Variants in BEND7 observed in about 807,000 individuals in gnomAD.
BEND7 encodes BEN domain-containing protein 7.
BEND7 carries 28 observed loss-of-function variants against 50.9 expected under a neutral mutation model. The observed-to-expected ratio is 0.55, with a 90% CI of 0.41 to 0.75. The LOEUF (loss-of-function observed/expected upper bound fraction) is 0.75, where lower values mean the gene tolerates loss of function less well. BEND7 is among the 30% of genes least tolerant of loss of function. The probability of loss-of-function intolerance (pLI) is 0.00; values close to 1 mark genes in which losing one functional copy is unlikely to be tolerated. For synonymous variants in BEND7, 170 were observed against 183.9 expected, an observed-to-expected ratio of 0.92 and a Z score of 0.61; for missense variants, 477 against 491.3, an observed-to-expected ratio of 0.97 and a Z score of 0.28.
chr10:13,513,402 T>G (rs1380939119), intron 2 of BEND7, among the ~76,000 whole-genome samples: 2 of 152,210 alleles, frequency 1.3e-5, no homozygotes, highest in African/African-American at 4.8e-5. Flanking sequence ...GCTTACCAGA[T>G]AGCCTCACTT....
At chr10:13,467,769 G>A (rs1300721083) in intron 6 of BEND7, among the ~76,000 whole-genome samples, 1 of 151,958 alleles carries the variant, frequency 6.6e-6, no homozygotes, top group African/African-American at 2.4e-5. Context: ...TGGGAGTGCT[G>A]TTTTGATTTT....
intron 6 of BEND7, among the ~76,000 whole-genome samples, chr10:13,479,005 AC>A (rs2075663309): frequency 8.0e-6 from 1 of 124,922 alleles, no homozygotes. Context: ...TTTGTAATAT[AC>A]TTTTTTTTTT....
At chr10:13,505,197 C>T (rs1345658146) in intron 2 of BEND7, among the ~76,000 whole-genome samples, 2 of 152,336 alleles carry the variant, frequency 1.3e-5, no homozygotes, top group East Asian at 3.9e-4. Context: ...GCTGCACTCC[C>T]GGTTCCTCAG....
Position 13,441,337 on chromosome 10 carries a change from A to G in BEND7, c.*406T>C, listed in dbSNP as rs745593473. On this transcript the variant is annotated 3_prime_UTR_variant, in exon 9 of 9. Transcript: ENST00000466271. Reference sequence around the variant, plus strand: ...AGAAAGCCTATAAAAAGGTTTCTGAATAAAGACTGAACAGTAGTCACAGTA... The same window carrying G: ...AGAAAGCCTATAAAAAGGTTTCTGAGTAAAGACTGAACAGTAGTCACAGTA... 1.5e-4 allele frequency: 155 copies of G among 1,013,120 alleles called. No individual in the cohort carries two copies. Among genetic ancestry groups the G allele is most frequent in the Non-Finnish European group, 1.8e-4 (152 of 848,916 alleles). The allele number at this position is 1,013,120 out of a possible 1,614,324, so 62.8% of individuals were successfully genotyped here.
chr10:13,500,329 AGT>A (rs1240231747), intron 2 of BEND7, among the ~76,000 whole-genome samples: 4 of 152,270 alleles, frequency 2.6e-5, no homozygotes, highest in African/African-American at 9.6e-5. Context: ...GTTTCTTGAG[AGT>A]GTGTCATCAG....
At chr10:13,513,756 T>C (rs2078450789) in intron 2 of BEND7, among the ~76,000 whole-genome samples, 2 of 152,192 alleles carry the variant, frequency 1.3e-5, no homozygotes, top group Non-Finnish European at 2.9e-5. Flanking sequence ...CGGACCTCCA[T>C]GGAGTGCCAA....
intron 7 of BEND7, among the ~76,000 whole-genome samples, chr10:13,448,327 G>A (rs1024343229): frequency 2.0e-5 from 3 of 152,136 alleles, no homozygotes; most frequent in Admixed American, 2.0e-4. Flanking sequence ...GGATAGTTTC[G>A]GTGGTGGCCT....
At chr10:13,439,779 G>A (rs1175968751), downstream of BEND7, among the ~76,000 whole-genome samples, 1 of 152,224 alleles carries the variant, frequency 6.6e-6, no homozygotes. Flanking sequence ...CCCTGCTTCA[G>A]CCAGGCGGAT....
At chr10:13,524,429 G>C (rs1017559126) in intron 2 of BEND7, among the ~76,000 whole-genome samples, 1 of 152,074 alleles carries the variant, frequency 6.6e-6, no homozygotes, top group African/African-American at 2.4e-5. Flanking sequence ...GATCACCTGA[G>C]GTCAGGAGTT....
chr10:13,469,675 C>G (rs11258401), intron 6 of BEND7, among the ~76,000 whole-genome samples: 1 of 152,088 alleles, frequency 6.6e-6, no homozygotes, highest in Non-Finnish European at 1.5e-5. Flanking sequence ...CGGAGTTTCA[C>G]CATGTTGGCC....
intron 6 of BEND7, among the ~76,000 whole-genome samples, chr10:13,470,477 G>T (rs1006124359): frequency 6.6e-6 from 1 of 152,282 alleles, no homozygotes; most frequent in African/African-American, 2.4e-5. Flanking sequence ...CAGTAACGGG[G>T]AGTTGGAGTG....
At position 13,441,445 on chromosome 10, in the gene BEND7, G is replaced by GGTGGT; in HGVS notation, c.*297_*298insACCAC. The GGTGGT allele has an allele frequency of 8.6e-7, 1 of 1,163,128 alleles. No individual in the cohort carries two copies. The highest frequency in any genetic ancestry group is 4.1e-5 in the South Asian group (1 of 24,618). The allele number at this position is 1,163,128 out of a possible 1,614,324, so 72.1% of individuals were successfully genotyped here. ...TTTCCAGTGTGTAGATCCGTTCATC[G>GGTGGT]CACACATCTTTGGGTTGAACAAGCT... On this transcript the variant is annotated 3_prime_UTR_variant, in exon 9 of 9. Coordinates refer to ENST00000466271, the MANE Select transcript of BEND7 (RefSeq NM_001369863.1).
intron 8 of BEND7, chr10:13,445,841 C>G (rs1836201152): frequency 6.6e-6 from 1 of 152,202 alleles, no homozygotes; most frequent in African/African-American, 2.4e-5. Context: ...ACAGGCAGTG[C>G]AGATGGCCAG....
chr10:13,483,933 T>C (rs1019924818), intron 5 of BEND7, among the ~76,000 whole-genome samples: 2 of 152,174 alleles, frequency 1.3e-5, no homozygotes, highest in African/African-American at 4.8e-5. Context: ...GTTTCTGGTA[T>C]CTGCCACAAC....
At chr10:13,528,409 C>G (rs1371738465) in intron 1 of BEND7, 64 bp downstream of exon 1, 7 of 817,110 alleles carry the variant, frequency 8.6e-6, no homozygotes, top group Non-Finnish European at 1.0e-5. Flanking sequence ...CCAGCGTGGA[C>G]CCCCGCGGGC....
intron 2 of BEND7, among the ~76,000 whole-genome samples, chr10:13,503,605 C>A (rs1009871915): frequency 6.6e-6 from 1 of 152,118 alleles, no homozygotes; most frequent in African/African-American, 2.4e-5. Flanking sequence ...TCCAGCTACT[C>A]GGAGGCTGAG....
intron 2 of BEND7, among the ~76,000 whole-genome samples, chr10:13,503,787 TGCTGAGAGGAGA>T (rs1463235707): frequency 4.6e-5 from 7 of 152,178 alleles, no homozygotes; most frequent in Admixed American, 1.3e-4. Context: ...CAGAAGTCTG[TGCTGAGAGGAGA>T]GCTGAGAGGT....
At chr10:13,481,420 A>G (rs1268264429) in intron 5 of BEND7, among the ~76,000 whole-genome samples, 1 of 152,186 alleles carries the variant, frequency 6.6e-6, no homozygotes, top group African/African-American at 2.4e-5. Context: ...GCTAACAGGG[A>G]GTTGAGACTT....
chr10:13,471,593 T>G (rs2074839955), intron 6 of BEND7, among the ~76,000 whole-genome samples: 1 of 152,242 alleles, frequency 6.6e-6, no homozygotes, highest in Non-Finnish European at 1.5e-5. Context: ...CTTGGTGAAG[T>G]GGGCAGCTAT....
Sources: gnomAD v4.1 joint callset for allele counts (sites outside exome capture counted in the v4.1 genomes callset) on GRCh38, gnomAD v4.1.1 for gene constraint, MANE v1.5 for transcripts, NCBI Gene and HGNC (gene_info 2026-07-23, HGNC 2026-07-21) for gene names.